Variants in FRMD4A observed in about 807,000 individuals in gnomAD.
The protein encoded by FRMD4A is FERM domain containing 4A.
Under a neutral mutation model 129.1 loss-of-function variants are expected in FRMD4A, and 29 were observed. That is an observed-to-expected ratio of 0.22 (90% confidence interval 0.17 to 0.31). The LOEUF (loss-of-function observed/expected upper bound fraction) is 0.31. Among genes scored for constraint, FRMD4A ranks in the 10% least tolerant of loss-of-function variants. FRMD4A has a pLI of 1.00. For missense variants in FRMD4A, 1,272 were observed against 1,375.8 expected, an observed-to-expected ratio of 0.92 and a Z score of 1.19; for synonymous variants, 634 against 571.6, an observed-to-expected ratio of 1.11 and a Z score of -1.56.
intron 12 of FRMD4A, among the ~76,000 whole-genome samples, chr10:13,721,392 G>C (rs1001836516): frequency 4.6e-5 from 7 of 152,094 alleles, no homozygotes; most frequent in African/African-American, 1.7e-4. Flanking sequence ...TGAGGGAGGA[G>C]AATCGCTGGA....
intron 2 of FRMD4A, among the ~76,000 whole-genome samples, chr10:13,992,213 T>C (rs1188840532): frequency 6.6e-6 from 1 of 152,258 alleles, no homozygotes; most frequent in Non-Finnish European, 1.5e-5. Flanking sequence ...GCCCAGGCTA[T>C]GCCTAGACAT....
chr10:13,740,658 C>A, intron 9 of FRMD4A, 81 bp from the exon 10 acceptor site: 1 of 750,906 alleles, frequency 1.3e-6, no homozygotes, highest in Non-Finnish European at 2.3e-6. Context: ...TATTTCTCAG[C>A]CCCATCTCAT....
At chr10:14,223,633 C>T (rs992468135) in intron 2 of FRMD4A, among the ~76,000 whole-genome samples, 15 of 150,718 alleles carry the variant, frequency 1.0e-4, no homozygotes, top group African/African-American at 1.7e-4. Context: ...CCCAGCTGCT[C>T]GGGAGGCTGA....
At chr10:13,997,776 C>T (rs1599907) in intron 2 of FRMD4A, among the ~76,000 whole-genome samples, 39,622 of 151,598 alleles carry the variant, frequency 0.26, 5,963 homozygotes, top group East Asian at 0.6. Context: ...GTGAGTGCCA[C>T]CACACCCAGC....
intron 13 of FRMD4A, among the ~76,000 whole-genome samples, chr10:13,704,905 T>C (rs2087257162): frequency 1.5e-5 from 2 of 137,202 alleles, no homozygotes; most frequent in Admixed American, 7.3e-5. Context: ...ACCCAGTCTC[T>C]CCAAAAAAAA....
chr10:13,760,776 C>T (rs2092039106), intron 8 of FRMD4A, among the ~76,000 whole-genome samples: 1 of 152,072 alleles, frequency 6.6e-6, no homozygotes, highest in African/African-American at 2.4e-5. Flanking sequence ...TGTTAATGGG[C>T]CAGAACCTTA....
intron 2 of FRMD4A, among the ~76,000 whole-genome samples, chr10:14,050,489 C>T (rs963364832): frequency 6.6e-6 from 1 of 152,126 alleles, no homozygotes; most frequent in African/African-American, 2.4e-5. Flanking sequence ...TACCCAGTTC[C>T]TGGTACAGGG....
intron 3 of FRMD4A, among the ~76,000 whole-genome samples, chr10:13,826,557 T>C (rs2093703987): frequency 6.6e-6 from 1 of 152,160 alleles, no homozygotes; most frequent in African/African-American, 2.4e-5. Flanking sequence ...CCCAGAGACA[T>C]GGCACTGGCT....
intron 3 of FRMD4A, among the ~76,000 whole-genome samples, chr10:13,818,299 G>C (rs988535695): frequency 3.3e-5 from 5 of 151,922 alleles, no homozygotes; most frequent in Non-Finnish European, 5.9e-5. Context: ...AGTAGGGGGG[G>C]ACTACAGGTA....
chr10:14,161,461 A>G (rs1359945206), intron 2 of FRMD4A, among the ~76,000 whole-genome samples: 1 of 152,252 alleles, frequency 6.6e-6, no homozygotes, highest in Non-Finnish European at 1.5e-5. Context: ...AATGTGACAT[A>G]TATACACAAT....
chr10:13,920,098 G>A (rs1340709829), intron 2 of FRMD4A, among the ~76,000 whole-genome samples: 1 of 152,124 alleles, frequency 6.6e-6, no homozygotes, highest in African/African-American at 2.4e-5. Context: ...CTCTTAGAAG[G>A]GGAGCAAGAT....
intron 8 of FRMD4A, among the ~76,000 whole-genome samples, chr10:13,754,147 C>T (rs2091756254): frequency 1.3e-5 from 2 of 152,182 alleles, no homozygotes; most frequent in Admixed American, 1.3e-4. Context: ...AAACGTTTTG[C>T]TGTTCACAGG....
intron 2 of FRMD4A, among the ~76,000 whole-genome samples, chr10:14,221,332 G>A (rs1337244875): frequency 1.3e-5 from 2 of 152,164 alleles, no homozygotes; most frequent in Non-Finnish European, 2.9e-5. Flanking sequence ...CTTTGGGGAA[G>A]GGAGCCAAGG....
intron 8 of FRMD4A, among the ~76,000 whole-genome samples, chr10:13,758,924 C>T (rs2091961861): frequency 1.3e-5 from 2 of 152,022 alleles, no homozygotes; most frequent in Admixed American, 6.5e-5. Flanking sequence ...AGCCACTGAA[C>T]CGAATGTGGT....
intron 2 of FRMD4A, among the ~76,000 whole-genome samples, chr10:14,284,107 G>A (rs1464876257): frequency 6.6e-6 from 1 of 152,178 alleles, no homozygotes; most frequent in Non-Finnish European, 1.5e-5. Flanking sequence ...AATACTTAAT[G>A]TATTGGGCTG....
At chr10:14,322,550 G>A (rs1843102638) in intron 2 of FRMD4A, among the ~76,000 whole-genome samples, 1 of 152,202 alleles carries the variant, frequency 6.6e-6, no homozygotes, top group African/African-American at 2.4e-5. Context: ...TGTGCATGAT[G>A]TACTTGGAAA....
intron 2 of FRMD4A, among the ~76,000 whole-genome samples, chr10:14,180,526 G>A (rs1034236331): frequency 2.0e-5 from 3 of 152,178 alleles, no homozygotes; most frequent in Admixed American, 6.5e-5. Flanking sequence ...TTACGAGCAA[G>A]CCAGAGAATC....
At chr10:13,785,107 C>T (rs1247705115) in intron 5 of FRMD4A, among the ~76,000 whole-genome samples, 1 of 152,066 alleles carries the variant, frequency 6.6e-6, no homozygotes. Context: ...CATGGCCCAC[C>T]AGCTTGCAAC....
chr10:14,315,199 C>T (rs1846693425), intron 2 of FRMD4A, among the ~76,000 whole-genome samples: 1 of 152,064 alleles, frequency 6.6e-6, no homozygotes, highest in African/African-American at 2.4e-5. Context: ...TGGTTTTCAT[C>T]CTTTCTAACC....
Sources: gnomAD v4.1 joint callset for allele counts (sites outside exome capture counted in the v4.1 genomes callset) on GRCh38, gnomAD v4.1.1 for gene constraint, MANE v1.5 for transcripts, NCBI Gene and HGNC (gene_info 2026-07-23, HGNC 2026-07-21) for gene names.